Variants in PHLDB1 observed in about 807,000 individuals in gnomAD.
The protein encoded by PHLDB1 is pleckstrin homology-like domain family B member 1.
A neutral mutation model predicts 139.3 loss-of-function variants in PHLDB1; 65 were observed. The ratio of observed to expected loss-of-function variants is 0.47; its 90% CI spans 0.38 to 0.57. The LOEUF is 0.57. Ranked by LOEUF, PHLDB1 falls within the 20% of genes least tolerant of loss-of-function variation. PHLDB1 has a pLI of 0.00. For synonymous variants in PHLDB1, 679 were observed against 734.5 expected, an observed-to-expected ratio of 0.92 and a Z score of 1.22; for missense variants, 1,624 against 1,839.7, an observed-to-expected ratio of 0.88 and a Z score of 2.14.
intron 18 of PHLDB1, among the ~76,000 whole-genome samples, chr11:118,648,501 C>T (rs1555132427): frequency 6.6e-6 from 1 of 152,002 alleles, no homozygotes; most frequent in East Asian, 1.9e-4. Context: ...CTGCGCTGCA[C>T]CTTCCCGTCT....
Position 118,656,843 on chromosome 11 carries a change from A to G in PHLDB1, c.*20A>G, listed in dbSNP as rs1949133406. 6.2e-7 allele frequency: 1 copy of G among 1,600,882 alleles called. No homozygotes were observed. The highest frequency in any genetic ancestry group is 8.5e-7 in the Non-Finnish European group (1 of 1,169,872). ...AACTAACTGCCGTGGGCCTCCTGGC[A>G]GAGCACAACTGGGGCTTTTGTATAA... On this transcript the variant is annotated 3_prime_UTR_variant, in exon 23 of 23. Coordinates refer to ENST00000600882, the MANE Select transcript of PHLDB1 (RefSeq NM_001144758.3).
rs201463480 is a variant in PHLDB1, at chr11:118,649,283, GAAAAAAA to G, written c.3655-788_3655-782del. On this transcript the variant is annotated intron_variant, in intron 18 of 22. Coordinates refer to ENST00000600882, the MANE Select transcript of PHLDB1 (RefSeq NM_001144758.3). ...ATGATGGAGTGAAATTCTGTCTCAG[GAAAAAAA>G]AAAAAGAAAAAAGAAGCTCTGTGAA... Among the ~76,000 whole-genome samples, 525 of 141,464 alleles carry G rather than the reference GAAAAAAA, an allele frequency of 3.7e-3. 8 individuals carry two copies. The East Asian group carries it at 0.047, about 13-fold the overall frequency. The allele number at this position is 141,464 out of a possible 152,430, so 92.8% of individuals were successfully genotyped here. A position where few individuals can be genotyped will look rare whatever the true frequency, so the allele number is the denominator to read the frequency against.
In PHLDB1 at chr11:118,614,655, G is replaced by A. The variant is rs1396227859; in HGVS notation, c.157G>A (p.Ala53Thr). Reference sequence around the variant, plus strand: ...CCTGGGCAGTGGGCGACTCAGCACAGCCATCACCCTCCTGCCGCTGGAGGA... The same window carrying A: ...CCTGGGCAGTGGGCGACTCAGCACAACCATCACCCTCCTGCCGCTGGAGGA... ...VSLGSGRLST[A>T]ITLLPLEEGR... Residue 53 changes from alanine (A) to threonine (T), a missense_variant, in exon 3 of 23, where the codon GCC becomes ACC. Physicochemically the swap from Ala to Thr is moderately conservative, Grantham distance 58 (BLOSUM62 0). Transcript: ENST00000600882. 6.2e-7 allele frequency: 1 copy of A among 1,613,844 alleles called. No homozygotes were observed. The highest frequency in any genetic ancestry group is 8.5e-7 in the Non-Finnish European group (1 of 1,179,862).
Position 118,630,348 on chromosome 11 carries a change from G to A in PHLDB1, c.1828-859G>A, listed in dbSNP as rs111414928. Among the ~76,000 whole-genome samples, 272 of 152,322 alleles carry A rather than the reference G, an allele frequency of 1.8e-3. 1 individual carries two copies. Among genetic ancestry groups the A allele is most frequent in the African/African-American group, 6.2e-3 (257 of 41,568 alleles). Reference sequence around the variant, plus strand: ...GGTGGGTGTGTATGTGGAGAGGGGTGGATGAAGTGGTAGGGCCATGGGAGT... The same window carrying A: ...GGTGGGTGTGTATGTGGAGAGGGGTAGATGAAGTGGTAGGGCCATGGGAGT... On this transcript the variant is annotated intron_variant, in intron 6 of 22. Transcript: ENST00000600882.
chr11:118,646,152 CG>C (rs1271917298), intron 17 of PHLDB1, among the ~76,000 whole-genome samples: 8 of 140,772 alleles, frequency 5.7e-5, no homozygotes, highest in Non-Finnish European at 1.1e-4. Context: ...CCCAGCTGCG[CG>C]GGAGGCTGAG....
chr11:118,633,605 C>G (rs1945142333), intron 9 of PHLDB1: 1 of 152,212 alleles, frequency 6.6e-6, no homozygotes, highest in Non-Finnish European at 1.5e-5. Flanking sequence ...GCTACCCTTC[C>G]TAGCTTTCCC....
In PHLDB1 at chr11:118,637,637, C is replaced by A. The variant is rs191581230; in HGVS notation, c.2536-1254C>A. 49 of 152,308 alleles carry A rather than the reference C, an allele frequency of 3.2e-4. No homozygotes were observed. The Middle Eastern group carries it at 0.01, about 32-fold the overall frequency. The allele number at this position is 152,308 out of a possible 1,614,324, so 9.4% of individuals were successfully genotyped here. ...CTAAGATTACAGGCATGAGCCACAG[C>A]GCCCGGCCAGCCTACTTTGGTCTTT... On this transcript the variant is annotated intron_variant, in intron 10 of 22. Transcript: ENST00000600882.
rs540856165 is a variant in PHLDB1 at position 118,618,536 on chromosome 11, CTG to C, written c.355+2329_355+2330del. ...GTTTGTGACTCTGGGCTTACGAATC[CTG>C]TGTTTGTGTCTTTCCTTGTGTTTAT... is the stretch of plus-strand genomic sequence containing the variant. On this transcript the variant is annotated intron_variant, in intron 4 of 22. Transcript: ENST00000600882. 1.0e-3 allele frequency among the ~76,000 whole-genome samples: 154 copies of C among 152,100 alleles called. 1 individual carries two copies. Among genetic ancestry groups the C allele is most frequent in the African/African-American group, 3.4e-3 (141 of 41,484 alleles).
chr11:118,655,778 A>C, intron 21 of PHLDB1, 82 bp from the exon 22 acceptor site: 1 of 1,488,318 alleles, frequency 6.7e-7, no homozygotes, highest in Non-Finnish European at 9.4e-7. Context: ...AAAGGCCTCC[A>C]GCCTGCCCTC....
chr11:118,621,106 C>T (rs1942677384), intron 4 of PHLDB1, among the ~76,000 whole-genome samples: 1 of 152,176 alleles, frequency 6.6e-6, no homozygotes, highest in African/African-American at 2.4e-5. Context: ...TGCTTGGCCT[C>T]ACTCCTGCCT....
At chr11:118,634,440 C>T (rs955368260) in intron 9 of PHLDB1, 2 of 152,394 alleles carry the variant, frequency 1.3e-5, no homozygotes, top group Admixed American at 1.3e-4. Flanking sequence ...AAATTTTGGT[C>T]TCTGGGCTGT....
Position 118,643,851 on chromosome 11 carries a change from C to G in PHLDB1, c.2929C>G (p.Arg977Gly). 4 of 1,613,922 alleles carry G rather than the reference C, an allele frequency of 2.5e-6. No individual in the cohort carries two copies. The highest frequency in any genetic ancestry group is 3.4e-6 in the Non-Finnish European group (4 of 1,179,892). The change falls in exon 14 of 23, where the codon CGC (arginine) becomes GGC (glycine). Residue 977 changes from arginine (R) to glycine (G), a missense_variant. Physicochemically the swap from Arg to Gly is moderately radical, Grantham distance 125. Coordinates refer to ENST00000600882, the MANE Select transcript of PHLDB1 (RefSeq NM_001144758.3). ...GGCCACCAGCCCCCTTCCCCGGACCCGCAGCGGCCCCCTCCCCTCCTCCTC... is the reference window on the plus strand; with the variant it reads ...GGCCACCAGCCCCCTTCCCCGGACCGGCAGCGGCCCCCTCCCCTCCTCCTC... The part of the protein sequence containing the change: ...GEATSPLPRT[R>G]SGPLPSSSGS...
chr11:118,656,922 C>T lies in PHLDB1; in HGVS notation c.*99C>T. ...GGTCCTGTGAGTTTCTGGGCTCTGG[C>T]CTCCTGAAGAACCAGCCAGAAGAAG... On this transcript the variant is annotated 3_prime_UTR_variant, in exon 23 of 23. Transcript: ENST00000600882. The T allele has an allele frequency of 9.1e-7, 1 of 1,094,332 alleles. No homozygotes were observed. The highest frequency in any genetic ancestry group is 1.3e-6 in the Non-Finnish European group (1 of 765,660). 67.8% of individuals were successfully genotyped at this position (1,094,332 alleles called of 1,614,324 possible).
At chr11:118,609,109 A>C in intron 1 of PHLDB1, among the ~76,000 whole-genome samples, 1 of 146,010 alleles carries the variant, frequency 6.8e-6, no homozygotes, top group Non-Finnish European at 1.5e-5. Flanking sequence ...CAGCTCATGC[A>C]AGCAGCCCGT....
In PHLDB1 at chr11:118,616,449, T is replaced by TG. The variant is rs201930859; in HGVS notation, c.355+242dup. Among the ~76,000 whole-genome samples the TG allele has an allele frequency of 6.9e-3, 1,054 of 152,236 alleles. 16 individuals carry two copies. Among genetic ancestry groups the TG allele is most frequent in the African/African-American group, 0.024 (996 of 41,538 alleles). On this transcript the variant is annotated intron_variant, in intron 4 of 22. Coordinates refer to ENST00000600882, the MANE Select transcript of PHLDB1 (RefSeq NM_001144758.3). Reference sequence around the variant, plus strand: ...ACCCCCAACCTGTCTCCACATACTATGGGGAGAGAAGAGGTTCTGATTCCC... The same window carrying TG: ...ACCCCCAACCTGTCTCCACATACTATGGGGGAGAGAAGAGGTTCTGATTCCC...
intron 9 of PHLDB1, chr11:118,634,413 C>T (rs993910973): frequency 5.9e-5 from 9 of 152,482 alleles, no homozygotes; most frequent in Admixed American, 3.3e-4. Flanking sequence ...ACCATCACTA[C>T]CCTTTTTCCC....
chr11:118,650,762 A>G lies in PHLDB1; in HGVS notation c.3874+215A>G. The stretch of plus-strand genomic sequence containing the variant: ...CATTCCTTCATTCAGCAATGTTACT[A>G]AGCATCTAGTAAGTTCTAGGCACTG... On this transcript the variant is annotated intron_variant, in intron 20 of 22. Transcript: ENST00000600882. The surrounding 1 kb of genome is among the most constrained non-coding windows in gnomAD (Gnocchi z 4.7). 1 of 579,888 alleles carries G rather than the reference A, an allele frequency of 1.7e-6. No homozygotes were observed. The highest frequency in any genetic ancestry group is 3.1e-6 in the Non-Finnish European group (1 of 324,296). The allele number at this position is 579,888 out of a possible 1,614,324, so 35.9% of individuals were successfully genotyped here.
chr11:118,613,706 A>G (rs782096146), intron 1 of PHLDB1, 110 bp from the exon 2 acceptor site: 17 of 660,432 alleles, frequency 2.6e-5, no homozygotes, highest in Non-Finnish European at 4.2e-5. Flanking sequence ...GCATTTGGGG[A>G]ATGATGGTGA....
intron 4 of PHLDB1, 126 bp downstream of exon 4, chr11:118,616,337 A>G (rs1403044539): frequency 6.5e-6 from 5 of 766,204 alleles, no homozygotes; most frequent in Non-Finnish European, 1.1e-5. Flanking sequence ...GGAATGGAGT[A>G]CTCAGGTGCA....
Sources: gnomAD v4.1 joint callset for allele counts (sites outside exome capture counted in the v4.1 genomes callset) on GRCh38, gnomAD v4.1.1 for gene constraint, Gnocchi (gnomAD v3.1) non-coding constraint, MANE v1.5 for transcripts, NCBI Gene and HGNC (gene_info 2026-07-23, HGNC 2026-07-21) for gene names.